Variants in BMAL2 observed in about 807,000 individuals in gnomAD.
The protein encoded by BMAL2 is basic helix-loop-helix ARNT like 2, also known as basic helix-loop-helix ARNT-like protein 2.
chr12:27,363,670 T>C, the BMAL2 span, among the ~76,000 whole-genome samples: 73 of 152,362 alleles, frequency 4.8e-4, no homozygotes, highest in African/African-American at 1.8e-3. Context: ...TTGGTCTTTT[T>C]CTTATTGATT....
the BMAL2 span, chr12:27,418,279 T>G: frequency 1.1e-6 from 1 of 925,614 alleles, no homozygotes. Context: ...CACAGGAAAT[T>G]TGTAGAGAAG....
the BMAL2 span, among the ~76,000 whole-genome samples, chr12:27,348,798 G>C: frequency 4.6e-5 from 7 of 152,190 alleles, no homozygotes; most frequent in Non-Finnish European, 1.0e-4. Flanking sequence ...ATTGTGTTAA[G>C]CTAGGAATAA....
the BMAL2 span, chr12:27,385,395 C>T: frequency 2.7e-6 from 2 of 737,116 alleles, no homozygotes; most frequent in Non-Finnish European, 4.7e-6. Flanking sequence ...AGAGCAAATA[C>T]CAGCAGCAGC....
the BMAL2 span, chr12:27,387,154 A>ATGTG: frequency 5.6e-6 from 5 of 888,846 alleles, no homozygotes; most frequent in Admixed American, 2.1e-5. Flanking sequence ...CAGAATCTGA[A>ATGTG]TGTGTGTGTG....
chr12:27,423,095 G>A, the BMAL2 span: 5 of 152,110 alleles, frequency 3.3e-5, no homozygotes, highest in Non-Finnish European at 7.3e-5. Context: ...TCTAATCCAT[G>A]CATTGTATGA....
chr12:27,401,568 AG>A, the BMAL2 span: 1 of 1,608,214 alleles, frequency 6.2e-7, no homozygotes, highest in Non-Finnish European at 8.5e-7. Flanking sequence ...CTACAAATTC[AG>A]AGCAAAAGAT....
chr12:27,388,107 A>G, the BMAL2 span, among the ~76,000 whole-genome samples: 1 of 151,902 alleles, frequency 6.6e-6, no homozygotes, highest in South Asian at 2.1e-4. Context: ...ATGCACGCAC[A>G]CACACACACA....
At chr12:27,404,176 C>T in the BMAL2 span, among the ~76,000 whole-genome samples, 1 of 138,258 alleles carries the variant, frequency 7.2e-6, no homozygotes, top group Non-Finnish European at 1.5e-5. Flanking sequence ...AAGAGCAAGA[C>T]CCTGTCTCAA....
chr12:27,390,105 A>G, the BMAL2 span: 1 of 1,613,688 alleles, frequency 6.2e-7, no homozygotes, highest in Non-Finnish European at 8.5e-7. Context: ...GCTGGTTTGC[A>G]AGTTCACAGT....
chr12:27,392,453 T>C, the BMAL2 span, among the ~76,000 whole-genome samples: 1 of 148,020 alleles, frequency 6.8e-6, no homozygotes. Context: ...ATCTTAGTCA[T>C]ACCATAGCGA....
chr12:27,351,941 ATT>A, the BMAL2 span, among the ~76,000 whole-genome samples: 4,420 of 152,292 alleles, frequency 0.029, 81 homozygotes, highest in Middle Eastern at 0.085. Context: ...AAAATTTAAT[ATT>A]TTTAGACCAT....
the BMAL2 span, chr12:27,389,940 A>G: frequency 4.4e-6 from 3 of 678,752 alleles, no homozygotes; most frequent in Non-Finnish European, 6.9e-6. Flanking sequence ...TTTTGGGTAT[A>G]TTTCACTTCA....
chr12:27,420,852 T>G, the BMAL2 span: 1 of 197,268 alleles, frequency 5.1e-6, no homozygotes, highest in Admixed American at 5.6e-5. Flanking sequence ...TTGATGCAGT[T>G]TTTTTTAGTT....
At chr12:27,342,626 A>G in the BMAL2 span, among the ~76,000 whole-genome samples, 6 of 152,362 alleles carry the variant, frequency 3.9e-5, no homozygotes, top group East Asian at 1.9e-4. Context: ...TTCCAGCTCT[A>G]TCTTCTTTCC....
At chr12:27,370,143 C>T in the BMAL2 span, 2 of 1,613,880 alleles carry the variant, frequency 1.2e-6, no homozygotes, top group Non-Finnish European at 1.7e-6. Context: ...GGAATCATGA[C>T]AGAAAAAGTG....
the BMAL2 span, among the ~76,000 whole-genome samples, chr12:27,367,889 G>A: frequency 6.6e-6 from 1 of 151,670 alleles, no homozygotes; most frequent in Non-Finnish European, 1.5e-5. Flanking sequence ...CTGTTGCCCA[G>A]GCTGGAGTAC....
the BMAL2 span, among the ~76,000 whole-genome samples, chr12:27,338,614 A>G: frequency 6.6e-6 from 1 of 152,228 alleles, no homozygotes; most frequent in African/African-American, 2.4e-5. Context: ...GAACTGGCCT[A>G]CTGAAAAGTT....
At chr12:27,401,460 T>C in the BMAL2 span, 1 of 1,539,562 alleles carries the variant, frequency 6.5e-7, no homozygotes, top group African/African-American at 1.4e-5. Flanking sequence ...TTTGAATTAA[T>C]CTTCACAACA....
the BMAL2 span, among the ~76,000 whole-genome samples, chr12:27,373,230 A>G: frequency 6.6e-6 from 1 of 152,198 alleles, no homozygotes; most frequent in African/African-American, 2.4e-5. Flanking sequence ...GATAGGATCA[A>G]TAGGACTTCA....
Sources: gnomAD v4.1 joint callset for allele counts (sites outside exome capture counted in the v4.1 genomes callset) on GRCh38, gnomAD v4.1.1 for gene constraint, MANE v1.5 for transcripts, NCBI Gene and HGNC (gene_info 2026-07-23, HGNC 2026-07-21) for gene names.